Variants in ADCY9 observed in about 807,000 individuals in gnomAD.
ADCY9 encodes adenylate cyclase type 9.
A neutral mutation model predicts 101.5 loss-of-function variants in ADCY9; 50 were observed. The observed-to-expected ratio is 0.49, with a 90% CI of 0.39 to 0.62. The LOEUF (loss-of-function observed/expected upper bound fraction) is 0.62. ADCY9 is among the 20% of genes least tolerant of loss of function. The pLI is 0.00. For missense variants in ADCY9, 1,662 were observed against 1,800.4 expected (o/e 0.92, Z 1.39); for synonymous variants, 905 against 769.3 (o/e 1.18, Z -2.92).
At chr16:3,974,332 C>A (rs1472552108) in intron 10 of ADCY9, among the ~76,000 whole-genome samples, 2 of 152,202 alleles carry the variant, frequency 1.3e-5, no homozygotes, top group Admixed American at 6.5e-5. Context: ...GCGTGAGCCA[C>A]CGTGCCTGGC....
chr16:4,046,010 A>T (rs1428557162), intron 2 of ADCY9, among the ~76,000 whole-genome samples: 1 of 151,386 alleles, frequency 6.6e-6, no homozygotes, highest in African/African-American at 2.4e-5. Context: ...ACACCTGGCT[A>T]AACTTTTTTT....
At chr16:4,087,990 C>T (rs2056950877) in intron 2 of ADCY9, among the ~76,000 whole-genome samples, 1 of 151,108 alleles carries the variant, frequency 6.6e-6, no homozygotes, top group Admixed American at 6.6e-5. Flanking sequence ...GGCTGGTGTG[C>T]AGCAGTGTGA....
chr16:4,091,014 G>A (rs886270356), intron 2 of ADCY9, among the ~76,000 whole-genome samples: 3 of 151,714 alleles, frequency 2.0e-5, no homozygotes, highest in South Asian at 2.1e-4. Flanking sequence ...CCAAAACATC[G>A]GACTGCCACA....
At chr16:3,968,849 T>C (rs117018176) in intron 10 of ADCY9, among the ~76,000 whole-genome samples, 231 of 152,350 alleles carry the variant, frequency 1.5e-3, no homozygotes, top group Admixed American at 2.5e-3. Flanking sequence ...TTCTGCTTTT[T>C]TTTTTCTTTT....
chr16:4,054,788 A>T (rs957346989), intron 2 of ADCY9, among the ~76,000 whole-genome samples: 1 of 152,094 alleles, frequency 6.6e-6, no homozygotes, highest in African/African-American at 2.4e-5. Context: ...AGGATGGTCT[A>T]AATCTCCTGA....
chr16:4,024,416 C>G (rs2056499785), intron 2 of ADCY9, among the ~76,000 whole-genome samples: 9 of 152,214 alleles, frequency 5.9e-5, no homozygotes, highest in Admixed American at 5.9e-4. Context: ...CGCTCCACTT[C>G]TCCTAACGTG....
At chr16:4,071,490 G>A (rs574697572) in intron 2 of ADCY9, among the ~76,000 whole-genome samples, 1 of 152,014 alleles carries the variant, frequency 6.6e-6, no homozygotes, top group Non-Finnish European at 1.5e-5. Flanking sequence ...CACAATTCTT[G>A]CTACATTTGA....
At chr16:4,077,521 G>C (rs940237241) in intron 2 of ADCY9, among the ~76,000 whole-genome samples, 1 of 151,824 alleles carries the variant, frequency 6.6e-6, no homozygotes, top group African/African-American at 2.4e-5. Context: ...CCACACACAC[G>C]CACACAGGTA....
rs201206966 is a variant in ADCY9 at position 4,028,242 on chromosome 16, C to G, written c.1694-20684G>C. On this transcript the variant is annotated intron_variant, in intron 2 of 10. Coordinates refer to ENST00000294016, the MANE Select transcript of ADCY9 (RefSeq NM_001116.4). Reference sequence around the variant, plus strand: ...ATAAAATTATACGTTACCATACAATCTTGCAATTCCAATCCAAGCCTCTAC... The same window carrying G: ...ATAAAATTATACGTTACCATACAATGTTGCAATTCCAATCCAAGCCTCTAC... Among the ~76,000 whole-genome samples, 61 of 152,290 alleles carry G rather than the reference C, an allele frequency of 4.0e-4. No individual in the cohort carries two copies. The East Asian group carries it at 0.011, about 28-fold the overall frequency.
chr16:4,067,232 A>G (rs1171460702), intron 2 of ADCY9, among the ~76,000 whole-genome samples: 9 of 152,210 alleles, frequency 5.9e-5, no homozygotes, highest in Non-Finnish European at 1.0e-4. Context: ...AATAATATTT[A>G]GAAACAACAC....
chr16:3,978,286 G>T (rs968864898), intron 8 of ADCY9, among the ~76,000 whole-genome samples: 10 of 152,216 alleles, frequency 6.6e-5, no homozygotes, highest in African/African-American at 2.2e-4. Context: ...TTTCCTTGGG[G>T]CCCAGTGAGA....
At chr16:4,083,907 C>T (rs71388561) in intron 2 of ADCY9, among the ~76,000 whole-genome samples, 1,897 of 152,220 alleles carry the variant, frequency 0.012, 26 homozygotes, top group Non-Finnish European at 0.016. Context: ...GTGAAGAAAA[C>T]GTCCCCAAAT....
rs1175185834 is a variant in ADCY9, at chr16:3,966,892, A to G, written c.2945T>C (p.Val982Ala). 6.2e-7 allele frequency: 1 copy of G among 1,613,808 alleles called. No homozygotes were observed. Among genetic ancestry groups the G allele is most frequent in the African/African-American group, 1.3e-5 (1 of 74,994 alleles). ...GAGCAGGAGAAAGAAGACGAGAACC[A>G]CCTCCTGGCCGATGAGGCTGGCGGG... Reference protein sequence around the residue: ...RRPASLIGQEVVLVFFLLLLL... With the variant: ...RRPASLIGQEAVLVFFLLLLL... The change falls in exon 11 of 11, where the codon GTG (valine) becomes GCG (alanine). Residue 982 changes from valine to alanine, a missense_variant. Coordinates refer to ENST00000294016, the MANE Select transcript of ADCY9 (RefSeq NM_001116.4).
chr16:3,990,008 C>T (rs992351186), intron 5 of ADCY9, among the ~76,000 whole-genome samples: 1 of 152,126 alleles, frequency 6.6e-6, no homozygotes, highest in African/African-American at 2.4e-5. Flanking sequence ...GGAAATCAAC[C>T]CCGCTTTCCA....
At chr16:3,994,186 C>T (rs1213206393) in intron 3 of ADCY9, among the ~76,000 whole-genome samples, 1 of 152,106 alleles carries the variant, frequency 6.6e-6, no homozygotes, top group African/African-American at 2.4e-5. Flanking sequence ...AGGAATCCCT[C>T]GTCCCTTCGC....
intron 2 of ADCY9, among the ~76,000 whole-genome samples, chr16:4,011,389 G>A (rs561593625): frequency 1.3e-5 from 2 of 152,304 alleles, no homozygotes; most frequent in East Asian, 1.9e-4. Context: ...GGGGGCGGGA[G>A]GAGAAAGAAG....
chr16:4,054,680 C>T lies in ADCY9; in HGVS notation c.1694-47122G>A, dbSNP rs758702464. 1.2e-3 allele frequency among the ~76,000 whole-genome samples: 183 copies of T among 152,044 alleles called. 3 individuals are homozygous for T. Among genetic ancestry groups the T allele is most frequent in the Middle Eastern group, 3.4e-3 (1 of 294 alleles). On this transcript the variant is annotated intron_variant, in intron 2 of 10. Coordinates refer to ENST00000294016, the MANE Select transcript of ADCY9 (RefSeq NM_001116.4). Reference sequence around the variant, plus strand: ...ACGCCTCCCGGGTTCAAGCAATTCTCCTGCTTCAGCCTCCCGAGTAGCTGG... The same window carrying T: ...ACGCCTCCCGGGTTCAAGCAATTCTTCTGCTTCAGCCTCCCGAGTAGCTGG...
intron 2 of ADCY9, among the ~76,000 whole-genome samples, chr16:4,074,858 A>C (rs575942197): frequency 4.6e-5 from 7 of 152,282 alleles, no homozygotes; most frequent in Admixed American, 1.3e-4. Flanking sequence ...ACAAAGATTT[A>C]TTGAAAGTTG....
At chr16:4,039,485 C>T (rs1382246921) in intron 2 of ADCY9, among the ~76,000 whole-genome samples, 1 of 151,204 alleles carries the variant, frequency 6.6e-6, no homozygotes, top group Admixed American at 6.6e-5. Flanking sequence ...TCGAGGCCAG[C>T]CTGACCAATA....
Sources: allele counts gnomAD v4.1 joint callset (sites outside exome capture counted in the v4.1 genomes callset), GRCh38; gene constraint gnomAD v4.1.1; transcripts MANE v1.5; gene names NCBI Gene and HGNC (gene_info 2026-07-23, HGNC 2026-07-21).